GASK1A: variants seen among roughly 807,000 people sequenced by gnomAD.
The protein encoded by GASK1A is golgi associated kinase 1A, also known as Golgi-associated kinase 1A.
GASK1A carries 40 observed loss-of-function variants against 41.2 expected under a neutral mutation model. The observed-to-expected ratio is 0.97, with a 90% CI of 0.75 to 1.27. The LOEUF is 1.27. Among genes scored for constraint, GASK1A ranks in the 50% most tolerant of loss-of-function variants. The pLI, the probability that GASK1A is intolerant of heterozygous loss-of-function variation, is 0.00. For synonymous variants in GASK1A, 316 were observed against 307.1 expected (o/e 1.03, Z -0.30); for missense variants, 678 against 745.1 (o/e 0.91, Z 1.05).
chr3:43,014,139 G>A (rs2089478187), intron 1 of GASK1A, among the ~76,000 whole-genome samples: 1 of 151,972 alleles, frequency 6.6e-6, no homozygotes, highest in Non-Finnish European at 1.5e-5. Flanking sequence ...CACAGGAAGG[G>A]GGAGTGTTAA....
At chr3:43,052,794 T>TA (rs1447076115) in intron 2 of GASK1A, among the ~76,000 whole-genome samples, 1 of 152,220 alleles carries the variant, frequency 6.6e-6, no homozygotes, top group African/African-American at 2.4e-5. Context: ...TTACAGCAGA[T>TA]ACTATCCTCA....
At chr3:42,990,620 TG>T (rs2089335783) in intron 1 of GASK1A, among the ~76,000 whole-genome samples, 1 of 152,084 alleles carries the variant, frequency 6.6e-6, no homozygotes, top group East Asian at 1.9e-4. Context: ...TTGGGGAGGA[TG>T]GGGGGCAGCC....
chr3:43,020,797 G>T (rs1173828078), intron 1 of GASK1A, among the ~76,000 whole-genome samples: 8 of 152,182 alleles, frequency 5.3e-5, no homozygotes. Context: ...GGACAGATTT[G>T]CAAGGAGGCA....
At chr3:42,999,135 C>T (rs1172809401) in intron 1 of GASK1A, among the ~76,000 whole-genome samples, 4 of 152,088 alleles carry the variant, frequency 2.6e-5, no homozygotes, top group African/African-American at 7.2e-5. Context: ...CTAATGGGTT[C>T]CAATCACAGT....
rs1423936118 is a variant in GASK1A at position 42,979,361 on chromosome 3, G to C, written c.-282G>C. 2.6e-6 allele frequency: 1 copy of C among 380,318 alleles called. No homozygotes were observed. The highest frequency in any genetic ancestry group is 4.6e-6 in the Non-Finnish European group (1 of 215,458). 23.6% of individuals were successfully genotyped at this position (380,318 alleles called of 1,614,324 possible). On this transcript the variant is annotated 5_prime_UTR_variant, in exon 1 of 5. Coordinates refer to ENST00000430121, the MANE Select transcript of GASK1A (RefSeq NM_001129908.3). ...GAGTAGACCGCAGAGGCTCGCGGCC[G>C]CGGGTAGGCTCCCTCAGATCCCCGT...
chr3:43,043,566 G>A (rs2089648345), intron 2 of GASK1A, among the ~76,000 whole-genome samples: 1 of 152,174 alleles, frequency 6.6e-6, no homozygotes, highest in Non-Finnish European at 1.5e-5. Context: ...CAGCCTGTGT[G>A]ACTCATTATT....
chr3:43,043,792 G>C (rs1322204150), intron 2 of GASK1A, among the ~76,000 whole-genome samples: 2 of 151,974 alleles, frequency 1.3e-5, no homozygotes, highest in Non-Finnish European at 2.9e-5. Flanking sequence ...ATTTTTTCTT[G>C]GTATCTCTTC....
intron 1 of GASK1A, among the ~76,000 whole-genome samples, chr3:43,029,393 T>C (rs2089563686): frequency 6.6e-6 from 1 of 152,138 alleles, no homozygotes; most frequent in Non-Finnish European, 1.5e-5. Context: ...CGTCCTCTTG[T>C]GCAGCTGTGT....
intron 1 of GASK1A, among the ~76,000 whole-genome samples, chr3:42,981,742 C>T (rs570132035): frequency 6.6e-6 from 1 of 152,262 alleles, no homozygotes; most frequent in South Asian, 2.1e-4. Context: ...CCAAGATATC[C>T]CTATGTCCAC....
chr3:43,032,513 C>G lies in GASK1A; in HGVS notation c.250C>G (p.Pro84Ala), dbSNP rs543942215. The part of the protein sequence containing the change: ...NMGFWRSRAL[P>A]RNSILVCAEE... Reference sequence around the variant, plus strand: ...GGGCTTCTGGAGAAGCCGTGCTTTGCCCAGGAACTCCATCTTGGTCTGTGC... The same window carrying G: ...GGGCTTCTGGAGAAGCCGTGCTTTGGCCAGGAACTCCATCTTGGTCTGTGC... The change falls in exon 2 of 5, where the codon CCC becomes GCC. Residue 84 changes from proline (P) to alanine (A), a missense_variant. Transcript: ENST00000430121. The G allele has an allele frequency of 1.3e-5, 20 of 1,549,570 alleles. No individual in the cohort carries two copies. In the African/African-American group the frequency reaches 1.9e-4, roughly 15 times the overall value.
intron 2 of GASK1A, chr3:43,037,601 G>T: frequency 3.9e-6 from 1 of 258,872 alleles, no homozygotes; most frequent in Non-Finnish European, 7.0e-6. Flanking sequence ...TGATATCAGA[G>T]ATTTAAATGA....
At chr3:43,016,240 G>A (rs991037140) in intron 1 of GASK1A, among the ~76,000 whole-genome samples, 4 of 152,078 alleles carry the variant, frequency 2.6e-5, no homozygotes, top group African/African-American at 4.8e-5. Context: ...GAAGCCACAA[G>A]AAGGGGAAGT....
intron 2 of GASK1A, among the ~76,000 whole-genome samples, chr3:43,042,426 T>C (rs958138062): frequency 4.6e-5 from 7 of 151,898 alleles, no homozygotes; most frequent in Non-Finnish European, 7.4e-5. Context: ...GAGGTTGCAG[T>C]GAGCTGTGAT....
intron 1 of GASK1A, among the ~76,000 whole-genome samples, chr3:43,030,963 T>C (rs879740501): frequency 2.0e-5 from 3 of 152,162 alleles, no homozygotes; most frequent in Admixed American, 6.5e-5. Context: ...AGCAAGCACA[T>C]GCGGGGAAAA....
intron 1 of GASK1A, among the ~76,000 whole-genome samples, chr3:43,017,032 T>G (rs764745075): frequency 6.8e-6 from 1 of 146,832 alleles, no homozygotes; most frequent in African/African-American, 2.5e-5. Context: ...CCATGTAAAG[T>G]CACAGGAAGT....
chr3:43,010,635 A>G (rs969807474), intron 1 of GASK1A, among the ~76,000 whole-genome samples: 1 of 152,138 alleles, frequency 6.6e-6, no homozygotes, highest in Non-Finnish European at 1.5e-5. Context: ...TTCTTGCTTT[A>G]AAAGCTAATA....
intron 1 of GASK1A, among the ~76,000 whole-genome samples, chr3:43,016,253 G>A (rs1196146725): frequency 6.6e-6 from 1 of 151,910 alleles, no homozygotes; most frequent in Non-Finnish European, 1.5e-5. Context: ...GGGGAAGTGT[G>A]AGGACACAGG....
chr3:43,002,613 G>A (rs940150603), intron 1 of GASK1A, among the ~76,000 whole-genome samples: 17 of 152,052 alleles, frequency 1.1e-4, no homozygotes, highest in Admixed American at 9.2e-4. Flanking sequence ...TGCTGTTTGT[G>A]TGAAATACAC....
chr3:43,054,967 G>A (rs1054745832), intron 3 of GASK1A, among the ~76,000 whole-genome samples: 30 of 152,104 alleles, frequency 2.0e-4, no homozygotes, highest in African/African-American at 5.8e-4. Flanking sequence ...CCTCACAGCC[G>A]GTGGCCCCGA....
Sources: gnomAD v4.1 joint callset for allele counts (sites outside exome capture counted in the v4.1 genomes callset) on GRCh38, gnomAD v4.1.1 for gene constraint, MANE v1.5 for transcripts, NCBI Gene and HGNC (gene_info 2026-07-23, HGNC 2026-07-21) for gene names.